GLB1L3: variants seen among roughly 807,000 people sequenced by gnomAD.
The protein encoded by GLB1L3 is galactosidase beta 1 like 3.
Under a neutral mutation model 89.5 loss-of-function variants are expected in GLB1L3, and 89 were observed. The ratio of observed to expected loss-of-function variants is 0.99; its 90% CI spans 0.84 to 1.19. GLB1L3 has a LOEUF of 1.19. Among genes scored for constraint, GLB1L3 ranks in the 50% most tolerant of loss-of-function variants. GLB1L3 has a pLI of 0.00. For synonymous variants in GLB1L3, 314 were observed against 312.3 expected (o/e 1.01, Z -0.06); for missense variants, 812 against 813.3 (o/e 1.00, Z 0.02).
intron 9 of GLB1L3, chr11:134,305,097 T>G (rs1346969434): frequency 1.3e-6 from 2 of 1,549,128 alleles, no homozygotes; most frequent in Non-Finnish European, 1.7e-6. Context: ...TCTTCCTTTT[T>G]GCTTTCTCTC....
chr11:134,308,676 A>AC (rs1942565979), intron 10 of GLB1L3, among the ~76,000 whole-genome samples: 1 of 116,152 alleles, frequency 8.6e-6, no homozygotes, highest in Admixed American at 8.6e-5. Context: ...ACCACCACCA[A>AC]CACCACCACC....
chr11:134,279,358 C>A (rs1297456777), intron 3 of GLB1L3, among the ~76,000 whole-genome samples: 1 of 128,626 alleles, frequency 7.8e-6, no homozygotes, highest in Non-Finnish European at 1.6e-5. Flanking sequence ...TTTCTGTTTT[C>A]TTTTTCTTTT....
intron 9 of GLB1L3, among the ~76,000 whole-genome samples, chr11:134,299,764 G>C (rs965777666): frequency 9.2e-5 from 14 of 152,156 alleles, no homozygotes; most frequent in Non-Finnish European, 1.9e-4. Flanking sequence ...CTTATTGCCA[G>C]CAGATGCTGT....
chr11:134,313,096 G>A (rs1478434868), intron 15 of GLB1L3, among the ~76,000 whole-genome samples: 1 of 152,200 alleles, frequency 6.6e-6, no homozygotes, highest in African/African-American at 2.4e-5. Flanking sequence ...CTGGAGGGGA[G>A]GGGATTTCCT....
chr11:134,313,344 G>A (rs1942833273), intron 15 of GLB1L3, 52 bp from the exon 16 acceptor site: 2 of 1,441,596 alleles, frequency 1.4e-6, no homozygotes, highest in Admixed American at 2.0e-5. Context: ...GGGTTGTCGG[G>A]TAGACGCCCT....
At chr11:134,321,565 T>TACTC (rs1238655016), downstream of GLB1L3, among the ~76,000 whole-genome samples, 4 of 152,158 alleles carry the variant, frequency 2.6e-5, no homozygotes, top group African/African-American at 9.7e-5. Context: ...ATGGCACATA[T>TACTC]ACTCCATGGA....
chr11:134,304,860 G>GA (rs1591571520), intron 9 of GLB1L3, among the ~76,000 whole-genome samples: 1 of 151,904 alleles, frequency 6.6e-6, no homozygotes, highest in Non-Finnish European at 1.5e-5. Flanking sequence ...TGTTGAAAAA[G>GA]AAAAAAACTC....
chr11:134,285,008 A>G (rs1267600722), intron 6 of GLB1L3, among the ~76,000 whole-genome samples: 1 of 145,776 alleles, frequency 6.9e-6, no homozygotes, highest in Non-Finnish European at 1.5e-5. Context: ...GGCTCACTGC[A>G]ACCTCCACCT....
At position 134,318,865 on chromosome 11, in the gene GLB1L3, T is replaced by G. The variant is rs556792182; in HGVS notation, c.1897-12T>G. 6.2e-7 allele frequency: 1 copy of G among 1,612,358 alleles called. No homozygotes were observed. Among genetic ancestry groups the G allele is most frequent in the South Asian group, 1.1e-5 (1 of 91,030 alleles). ...TCACCTTTCCCACTGTCAACCTTTCTTTTCTTCTCAGGTCATCTTGTTTGA... is the reference window on the plus strand; with the variant it reads ...TCACCTTTCCCACTGTCAACCTTTCGTTTCTTCTCAGGTCATCTTGTTTGA... On this transcript the variant is annotated splice_polypyrimidine_tract_variant and intron_variant, in intron 19 of 19. Coordinates refer to ENST00000431683, the MANE Select transcript of GLB1L3 (RefSeq NM_001080407.3).
At chr11:134,298,865 C>T (rs937754185) in intron 9 of GLB1L3, among the ~76,000 whole-genome samples, 1 of 152,142 alleles carries the variant, frequency 6.6e-6, no homozygotes, top group African/African-American at 2.4e-5. Flanking sequence ...AAGATTAGGT[C>T]ATTAATTTTG....
rs571519375 is a variant in GLB1L3 at position 134,306,630 on chromosome 11, C to T, written c.877-494C>T. 7.9e-5 allele frequency among the ~76,000 whole-genome samples: 12 copies of T among 152,268 alleles called. 1 individual carries two copies. Among genetic ancestry groups the T allele is most frequent in the Admixed American group, 2.0e-4 (3 of 15,294 alleles). ...CAGAAGAAGCTCAGCTATGATCTTC[C>T]GTTTTAATATCCATGGCACAGCAAC... On this transcript the variant is annotated intron_variant, in intron 9 of 19. Coordinates refer to ENST00000431683, the MANE Select transcript of GLB1L3 (RefSeq NM_001080407.3).
intron 18 of GLB1L3, among the ~76,000 whole-genome samples, chr11:134,317,659 AT>A (rs1225484923): frequency 2.0e-5 from 3 of 152,292 alleles, no homozygotes; most frequent in African/African-American, 7.2e-5. Flanking sequence ...TCAATGTTCT[AT>A]TATGTCAATT....
chr11:134,297,624 G>A (rs1234012701), intron 9 of GLB1L3, among the ~76,000 whole-genome samples: 1 of 152,054 alleles, frequency 6.6e-6, no homozygotes, highest in African/African-American at 2.4e-5. Context: ...ACTTTGGGAG[G>A]CCGAGGTGGG....
intron 9 of GLB1L3, among the ~76,000 whole-genome samples, chr11:134,294,867 C>T (rs1941549304): frequency 1.3e-5 from 2 of 152,158 alleles, no homozygotes; most frequent in African/African-American, 4.8e-5. Flanking sequence ...CTGTCACGTA[C>T]GTAAAGTCAT....
intron 9 of GLB1L3, among the ~76,000 whole-genome samples, chr11:134,301,283 GA>G (rs1357306081): frequency 1.3e-5 from 2 of 152,168 alleles, no homozygotes; most frequent in Admixed American, 1.3e-4. Flanking sequence ...TCCTCGCTGT[GA>G]GGATGGGATT....
chr11:134,318,935 C>A lies in GLB1L3; in HGVS notation c.1955C>A (p.Thr652Lys). The A allele has an allele frequency of 6.2e-7, 1 of 1,608,454 alleles. No individual in the cohort carries two copies. Among genetic ancestry groups the A allele is most frequent in the Non-Finnish European group, 8.5e-7 (1 of 1,176,678 alleles). ...GATATCAAATCTACAGACAAGCCCA[C>A]GCTGTAAAACTGTGTCTGAACATTT... is the stretch of plus-strand genomic sequence containing the variant. ...GSDIKSTDKP[T>K]L Residue 652 changes from threonine to lysine, a missense_variant, in exon 20 of 20, where the codon ACG (threonine) becomes AAG (lysine). By Grantham distance (78) the Thr-to-Lys change is moderately conservative. This residue lies in a region of GLB1L3 where 618 missense variants were observed against 604.0 expected (regional missense o/e 1.02). Transcript: ENST00000431683.
downstream of GLB1L3, among the ~76,000 whole-genome samples, chr11:134,323,202 T>C (rs531680604): frequency 6.6e-6 from 1 of 152,278 alleles, no homozygotes; most frequent in East Asian, 1.9e-4. Flanking sequence ...CATGTAACAA[T>C]GAAGTCATGC....
chr11:134,277,197 G>A (rs992517953), intron 1 of GLB1L3, 129 bp from the exon 2 acceptor site: 67 of 1,199,812 alleles, frequency 5.6e-5, no homozygotes, highest in Non-Finnish European at 8.0e-5. Context: ...CCGCCTGGAA[G>A]ACCCGCCTGT....
chr11:134,305,186 A>C, intron 9 of GLB1L3: 2 of 1,147,204 alleles, frequency 1.7e-6, no homozygotes, highest in South Asian at 2.6e-5. Flanking sequence ...TATAGTTCTT[A>C]TCTGTGATTC....
Sources: gnomAD v4.1 joint callset for allele counts (sites outside exome capture counted in the v4.1 genomes callset) on GRCh38, gnomAD v4.1.1 for gene constraint, gnomAD v4.1.1 regional missense constraint, MANE v1.5 for transcripts, NCBI Gene and HGNC (gene_info 2026-07-23, HGNC 2026-07-21) for gene names.